The following SH3GL2 variants were observed in gnomAD, a reference collection of about 807,000 sequenced individuals.
SH3GL2 encodes the protein endophilin-A1.
Under a neutral mutation model 46.0 loss-of-function variants are expected in SH3GL2, and 24 were observed. That is an observed-to-expected ratio of 0.52 (90% CI 0.38 to 0.73). The LOEUF (loss-of-function observed/expected upper bound fraction) is 0.73. Among genes scored for constraint, SH3GL2 ranks in the 30% least tolerant of loss-of-function variants. The pLI is 0.00. For synonymous variants in SH3GL2, 196 were observed against 147.1 expected (o/e 1.33, Z -2.40); for missense variants, 413 against 424.2 (o/e 0.97, Z 0.23).
intron 7 of SH3GL2, among the ~76,000 whole-genome samples, chr9:17,791,785 C>G (rs1824137788): frequency 6.6e-6 from 1 of 152,182 alleles, no homozygotes; most frequent in Non-Finnish European, 1.5e-5. Flanking sequence ...GAGTTCACAG[C>G]CAGCCATAAC....
At chr9:17,661,026 A>G (rs112701374) in intron 1 of SH3GL2, among the ~76,000 whole-genome samples, 20,268 of 151,898 alleles carry the variant, frequency 0.13, 1,844 homozygotes, top group African/African-American at 0.23. Flanking sequence ...GCTGGGCACG[A>G]TGGCAGGCAC....
intron 1 of SH3GL2, among the ~76,000 whole-genome samples, chr9:17,655,042 T>G (rs1025703391): frequency 6.6e-6 from 1 of 152,186 alleles, no homozygotes. Flanking sequence ...GAAAAATCCC[T>G]CAGCAGCGAG....
intron 1 of SH3GL2, among the ~76,000 whole-genome samples, chr9:17,613,226 G>A (rs1325185451): frequency 6.6e-6 from 1 of 152,148 alleles, no homozygotes; most frequent in Non-Finnish European, 1.5e-5. Context: ...GATAGTAGAA[G>A]TATTGTTAAA....
At chr9:17,713,064 G>T (rs1821670679) in intron 1 of SH3GL2, among the ~76,000 whole-genome samples, 1 of 150,690 alleles carries the variant, frequency 6.6e-6, no homozygotes, top group South Asian at 2.1e-4. Context: ...TCCCTTCTTA[G>T]TGTGCTGGGT....
intron 1 of SH3GL2, among the ~76,000 whole-genome samples, chr9:17,708,227 C>T (rs61176273): frequency 0.04 from 6,149 of 152,086 alleles, 326 homozygotes; most frequent in African/African-American, 0.12. Flanking sequence ...ATCCTCATCA[C>T]TGTCCCCACT....
chr9:17,753,888 C>G (rs984194596), intron 2 of SH3GL2, among the ~76,000 whole-genome samples: 1 of 152,162 alleles, frequency 6.6e-6, no homozygotes, highest in African/African-American at 2.4e-5. Flanking sequence ...TTTCAATCTT[C>G]TGCATATGGC....
At chr9:17,615,726 G>A (rs1448837851) in intron 1 of SH3GL2, among the ~76,000 whole-genome samples, 4 of 141,720 alleles carry the variant, frequency 2.8e-5, no homozygotes, top group South Asian at 4.5e-4. Flanking sequence ...AACTTAGGAC[G>A]AAAGTTAAAA....
At chr9:17,714,425 G>C (rs528423750) in intron 1 of SH3GL2, among the ~76,000 whole-genome samples, 7 of 151,666 alleles carry the variant, frequency 4.6e-5, no homozygotes, top group African/African-American at 1.7e-4. Flanking sequence ...TGTTTAATCT[G>C]TTATTTATTC....
intron 1 of SH3GL2, among the ~76,000 whole-genome samples, chr9:17,692,426 A>C (rs910459398): frequency 2.6e-5 from 4 of 152,046 alleles, no homozygotes; most frequent in African/African-American, 9.7e-5. Flanking sequence ...TGGGTGGATC[A>C]TTTGAGGTCA....
At chr9:17,792,225 T>C (rs1249311773) in intron 7 of SH3GL2, among the ~76,000 whole-genome samples, 1 of 152,238 alleles carries the variant, frequency 6.6e-6, no homozygotes, top group African/African-American at 2.4e-5. Flanking sequence ...CTTTGATTCA[T>C]GGTTTAATTG....
At chr9:17,679,858 A>G (rs1252680622) in intron 1 of SH3GL2, among the ~76,000 whole-genome samples, 6 of 152,238 alleles carry the variant, frequency 3.9e-5, no homozygotes, top group Admixed American at 6.5e-5. Context: ...AATTTTGTCA[A>G]AGGCCTTTTC....
intron 2 of SH3GL2, among the ~76,000 whole-genome samples, chr9:17,756,866 G>C (rs1227148360): frequency 2.0e-5 from 3 of 152,194 alleles, no homozygotes; most frequent in African/African-American, 7.2e-5. Context: ...GGGTCAAATG[G>C]TATTTCTAGT....
intron 1 of SH3GL2, among the ~76,000 whole-genome samples, chr9:17,628,921 A>C (rs1466267079): frequency 2.6e-5 from 4 of 152,192 alleles, no homozygotes; most frequent in Non-Finnish European, 4.4e-5. Flanking sequence ...GCGGTGATAC[A>C]TAATACCAAC....
intron 7 of SH3GL2, among the ~76,000 whole-genome samples, chr9:17,792,124 A>T (rs1006451267): frequency 1.3e-5 from 2 of 152,248 alleles, no homozygotes; most frequent in African/African-American, 4.8e-5. Context: ...ACAGCTGATC[A>T]CATGGCTGCC....
At chr9:17,675,733 T>G (rs1230399801) in intron 1 of SH3GL2, among the ~76,000 whole-genome samples, 2 of 152,090 alleles carry the variant, frequency 1.3e-5, no homozygotes, top group Admixed American at 1.3e-4. Context: ...GATCACGAGG[T>G]CAGGAGATTG....
At chr9:17,616,857 G>A (rs1383454156) in intron 1 of SH3GL2, among the ~76,000 whole-genome samples, 2 of 151,942 alleles carry the variant, frequency 1.3e-5, no homozygotes, top group African/African-American at 4.8e-5. Context: ...TTTTATTTCT[G>A]AATAGATAAT....
chr9:17,752,420 T>C (rs1822872392), intron 2 of SH3GL2, among the ~76,000 whole-genome samples: 1 of 152,236 alleles, frequency 6.6e-6, no homozygotes, highest in South Asian at 2.1e-4. Context: ...CTTTTTAATA[T>C]TTCTTTTATG....
At chr9:17,591,408 G>T (rs3808775) in intron 1 of SH3GL2, 108,695 of 151,856 alleles carry the variant, frequency 0.72, 39,201 homozygotes, top group Non-Finnish European at 0.76. Flanking sequence ...AGGAATGGGG[G>T]TTGCAACCTG....
At chr9:17,769,081 C>T (rs190851734) in intron 3 of SH3GL2, among the ~76,000 whole-genome samples, 6 of 152,292 alleles carry the variant, frequency 3.9e-5, no homozygotes, top group Non-Finnish European at 8.8e-5. Context: ...TCGCTGGGGT[C>T]TCTGCTCAAA....
Sources: gnomAD v4.1 joint callset for allele counts (sites outside exome capture counted in the v4.1 genomes callset) on GRCh38, gnomAD v4.1.1 for gene constraint, MANE v1.5 for transcripts, NCBI Gene and HGNC (gene_info 2026-07-23, HGNC 2026-07-21) for gene names.